PDE3B: variants seen among roughly 807,000 people sequenced by gnomAD.
PDE3B encodes cGMP-inhibited 3',5'-cyclic phosphodiesterase 3B.
A neutral mutation model predicts 116.8 loss-of-function variants in PDE3B; 66 were observed. That is an observed-to-expected ratio of 0.56 (90% CI 0.46 to 0.69). The LOEUF (loss-of-function observed/expected upper bound fraction) is 0.69. PDE3B is among the 30% of genes least tolerant of loss of function. The pLI is 0.00. For synonymous variants in PDE3B, 595 were observed against 533.6 expected, an observed-to-expected ratio of 1.12 and a Z score of -1.59; for missense variants, 1,384 against 1,368.1, an observed-to-expected ratio of 1.01 and a Z score of -0.18.
At chr11:14,721,967 G>T (rs1173519593) in intron 1 of PDE3B, among the ~76,000 whole-genome samples, 1 of 149,978 alleles carries the variant, frequency 6.7e-6, no homozygotes, top group East Asian at 2.0e-4. Context: ...ATACACCATG[G>T]AATACTGTGC....
the PDE3B span, among the ~76,000 whole-genome samples, chr11:14,885,116 T>C: frequency 6.6e-6 from 1 of 152,226 alleles, no homozygotes; most frequent in Non-Finnish European, 1.5e-5. Flanking sequence ...TGAAATTAAA[T>C]GTGAAACTCA....
intron 5 of PDE3B, among the ~76,000 whole-genome samples, chr11:14,810,914 G>A (rs1163282092): frequency 1.0e-3 from 150 of 147,658 alleles, no homozygotes; most frequent in African/African-American, 3.5e-3. Flanking sequence ...TTCTCGGATG[G>A]CCAGTGATGA....
At chr11:14,879,337 TA>T in the PDE3B span, 2 of 1,612,830 alleles carry the variant, frequency 1.2e-6, no homozygotes, top group Non-Finnish European at 1.7e-6. Context: ...TACAGAATCT[TA>T]AAACTTCATG....
At chr11:14,820,869 A>G (rs895716508) in intron 7 of PDE3B, among the ~76,000 whole-genome samples, 3 of 152,120 alleles carry the variant, frequency 2.0e-5, no homozygotes, top group African/African-American at 7.2e-5. Context: ...ATAAATTCCT[A>G]TTTTTTTATA....
intron 1 of PDE3B, among the ~76,000 whole-genome samples, chr11:14,734,127 A>G (rs1039533779): frequency 1.2e-4 from 18 of 152,208 alleles, no homozygotes; most frequent in Admixed American, 3.9e-4. Flanking sequence ...GCTGGAGTGC[A>G]GTGGCATGAT....
intron 1 of PDE3B, among the ~76,000 whole-genome samples, chr11:14,679,783 G>T (rs2133792371): frequency 6.6e-6 from 1 of 151,766 alleles, no homozygotes; most frequent in South Asian, 2.1e-4. Flanking sequence ...TACTCGACTG[G>T]CTAAGGACAA....
chr11:14,858,724 G>A (rs1847893075), intron 12 of PDE3B, among the ~76,000 whole-genome samples: 1 of 152,160 alleles, frequency 6.6e-6, no homozygotes, highest in Non-Finnish European at 1.5e-5. Context: ...CTGATTAAAT[G>A]AAATAGACCT....
chr11:14,812,243 A>G (rs752800689), intron 5 of PDE3B, among the ~76,000 whole-genome samples: 6 of 152,192 alleles, frequency 3.9e-5, no homozygotes, highest in East Asian at 1.9e-4. Flanking sequence ...TTAAAATAGT[A>G]AATTGTATGG....
the PDE3B span, among the ~76,000 whole-genome samples, chr11:14,889,918 G>C: frequency 1.3e-5 from 2 of 152,196 alleles, no homozygotes; most frequent in East Asian, 3.9e-4. Flanking sequence ...CACGAGGTCA[G>C]GAGATCGAGA....
chr11:14,662,135 A>G (rs1228910744), intron 1 of PDE3B, among the ~76,000 whole-genome samples: 3 of 152,164 alleles, frequency 2.0e-5, no homozygotes, highest in African/African-American at 7.2e-5. Flanking sequence ...TCAGACAGCA[A>G]CATTCACGGT....
intron 2 of PDE3B, chr11:14,776,544 T>A (rs562989595): frequency 6.6e-6 from 1 of 152,182 alleles, no homozygotes; most frequent in Admixed American, 6.5e-5. Context: ...AGATGACGAG[T>A]TAGTGGGTGC....
At chr11:14,806,403 G>A (rs958336814) in intron 5 of PDE3B, among the ~76,000 whole-genome samples, 4 of 148,982 alleles carry the variant, frequency 2.7e-5, no homozygotes, top group East Asian at 2.1e-4. Flanking sequence ...AGCCGAGATC[G>A]TGCCACTGCA....
At chr11:14,647,188 G>A (rs1853434877) in intron 1 of PDE3B, among the ~76,000 whole-genome samples, 1 of 151,998 alleles carries the variant, frequency 6.6e-6, no homozygotes, top group Admixed American at 6.5e-5. Context: ...GATTTTCAAA[G>A]TGTTGTATAT....
intron 12 of PDE3B, among the ~76,000 whole-genome samples, chr11:14,849,018 T>G (rs935740209): frequency 6.6e-6 from 1 of 150,856 alleles, no homozygotes; most frequent in Non-Finnish European, 1.5e-5. Flanking sequence ...AAAAAGAGCC[T>G]GCATCGCCAA....
At chr11:14,868,435 G>C (rs868967399) in intron 15 of PDE3B, among the ~76,000 whole-genome samples, 3 of 152,004 alleles carry the variant, frequency 2.0e-5, no homozygotes, top group East Asian at 1.9e-4. Context: ...TCAAAACAGT[G>C]GGGGGGAGGG....
At chr11:14,829,170 G>A (rs182504749) in intron 7 of PDE3B, among the ~76,000 whole-genome samples, 10 of 152,184 alleles carry the variant, frequency 6.6e-5, no homozygotes, top group East Asian at 1.9e-4. Context: ...GAGGGTGGGC[G>A]GAGGGAGAGG....
At chr11:14,735,958 TTGTGTGTGTG>T (rs59099319) in intron 1 of PDE3B, among the ~76,000 whole-genome samples, 510 of 143,024 alleles carry the variant, frequency 3.6e-3, no homozygotes, top group Non-Finnish European at 5.8e-3. Flanking sequence ...GAATAATAGG[TTGTGTGTGTG>T]TGTGTGTGTG....
rs1303019929 is a variant in PDE3B, at chr11:14,670,756, G to A, written c.978+25703G>A. On this transcript the variant is annotated intron_variant, in intron 1 of 15. Transcript: ENST00000282096. The stretch of plus-strand genomic sequence containing the variant: ...TGTGAAAATCAAATTTTACGTAAGA[G>A]GAAATGTGTTTGATTTCCTTTTCCA... 2.6e-5 allele frequency among the ~76,000 whole-genome samples: 4 copies of A among 152,092 alleles called. No homozygotes were observed. In the East Asian group the frequency reaches 7.7e-4, roughly 29 times the overall value.
the PDE3B span, chr11:14,890,799 C>T: frequency 5.6e-6 from 5 of 894,694 alleles, no homozygotes; most frequent in East Asian, 1.2e-4. Flanking sequence ...CCGCCCGCCT[C>T]GGCCTCCTAA....
Sources: allele counts gnomAD v4.1 joint callset (sites outside exome capture counted in the v4.1 genomes callset), GRCh38; gene constraint gnomAD v4.1.1; transcripts MANE v1.5; gene names NCBI Gene and HGNC (gene_info 2026-07-23, HGNC 2026-07-21).